The following LRMDA variants were observed in gnomAD, a reference collection of about 807,000 sequenced individuals.
LRMDA encodes the protein leucine rich melanocyte differentiation associated, also known as leucine-rich melanocyte differentiation-associated protein.
A neutral mutation model predicts 29.8 loss-of-function variants in LRMDA; 18 were observed. The observed-to-expected ratio is 0.60, with a 90% CI of 0.42 to 0.90. The LOEUF (loss-of-function observed/expected upper bound fraction) is 0.90, where lower values mean the gene tolerates loss of function less well. Ranked by LOEUF, LRMDA falls within the 40% of genes least tolerant of loss-of-function variation. LRMDA has a pLI of 0.00. For synonymous variants in LRMDA, 125 were observed against 109.4 expected (o/e 1.14, Z -0.89); for missense variants, 273 against 273.9 (o/e 1.00, Z 0.02).
intron 6 of LRMDA, among the ~76,000 whole-genome samples, chr10:76,525,137 C>G (rs1000098657): frequency 2.6e-5 from 4 of 152,190 alleles, no homozygotes; most frequent in African/African-American, 9.6e-5. Context: ...TGATACTTAT[C>G]CAGTGTTCAG....
intron 2 of LRMDA, among the ~76,000 whole-genome samples, chr10:75,547,453 T>G (rs536055610): frequency 1.1e-4 from 16 of 152,358 alleles, no homozygotes; most frequent in Admixed American, 2.0e-4. Context: ...CTTCGTCTGC[T>G]GAATCATCTT....
In LRMDA at chr10:76,047,242, G is replaced by A. The variant is rs550212826; in HGVS notation, c.337G>A (p.Val113Met). 6 of 1,614,058 alleles carry A rather than the reference G, an allele frequency of 3.7e-6. No individual in the cohort carries two copies. Among genetic ancestry groups the A allele is most frequent in the Admixed American group, 3.3e-5 (2 of 60,016 alleles). The change falls in exon 4 of 7, where the codon GTG (valine) becomes ATG (methionine). Residue 113 changes from valine to methionine, a missense_variant. Val to Met is a conservative substitution (Grantham distance 21). Transcript: ENST00000611255. ...GGAGTACCTCAGTCTGCTGGGCAAC[G>A]TGGCCTGTCCCAACGAGCTGGTCAG... ...ALEYLSLLGN[V>M]ACPNELVSLE...
chr10:75,893,945 A>AT (rs1491478318), intron 2 of LRMDA, among the ~76,000 whole-genome samples: 1 of 140,042 alleles, frequency 7.1e-6, no homozygotes, highest in African/African-American at 2.7e-5. Flanking sequence ...AAAAAAAAAA[A>AT]CAAAAAAAAA....
chr10:75,898,935 T>C (rs1386266569), intron 2 of LRMDA, among the ~76,000 whole-genome samples: 1 of 152,186 alleles, frequency 6.6e-6, no homozygotes. Context: ...GAAATACCCT[T>C]GAAAATGACG....
At chr10:75,759,028 A>G (rs1016968362) in intron 2 of LRMDA, among the ~76,000 whole-genome samples, 3 of 151,894 alleles carry the variant, frequency 2.0e-5, no homozygotes, top group African/African-American at 2.4e-5. Context: ...AGAGTCCTAT[A>G]TATCCACATC....
At chr10:76,366,120 A>G (rs2132451983) in intron 6 of LRMDA, among the ~76,000 whole-genome samples, 1 of 152,288 alleles carries the variant, frequency 6.6e-6, no homozygotes, top group Non-Finnish European at 1.5e-5. Context: ...TTATACCAGT[A>G]CCACGCTGTT....
chr10:75,717,301 C>T lies in LRMDA; in HGVS notation c.131+278807C>T, dbSNP rs147991583. Among the ~76,000 whole-genome samples, 757 of 152,324 alleles carry T rather than the reference C, an allele frequency of 5.0e-3. 8 individuals carry two copies. Among genetic ancestry groups the T allele is most frequent in the African/African-American group, 0.017 (713 of 41,566 alleles). ...AAATCTGCAGTCATACCTGAGGACT[C>T]AGTGACTCATGGTTGAGGTCTCCAT... is the stretch of plus-strand genomic sequence containing the variant. On this transcript the variant is annotated intron_variant, in intron 2 of 6. Coordinates refer to ENST00000611255, the MANE Select transcript of LRMDA (RefSeq NM_001305581.2).
intron 5 of LRMDA, among the ~76,000 whole-genome samples, chr10:76,319,384 G>A (rs1840741324): frequency 6.6e-6 from 1 of 152,230 alleles, no homozygotes; most frequent in Non-Finnish European, 1.5e-5. Context: ...AGTGAGAAAT[G>A]AGTAAGGGCG....
intron 5 of LRMDA, among the ~76,000 whole-genome samples, chr10:76,107,386 G>A (rs1162170030): frequency 6.6e-6 from 1 of 152,170 alleles, no homozygotes; most frequent in Non-Finnish European, 1.5e-5. Flanking sequence ...CAGAACCAGC[G>A]GCTTAGATGC....
At chr10:75,878,410 G>A (rs1845236646) in intron 2 of LRMDA, among the ~76,000 whole-genome samples, 1 of 151,762 alleles carries the variant, frequency 6.6e-6, no homozygotes, top group Non-Finnish European at 1.5e-5. Context: ...CTTCCCCTGG[G>A]GTAGGGCCAC....
intron 6 of LRMDA, among the ~76,000 whole-genome samples, chr10:76,427,999 G>C (rs540854464): frequency 6.6e-4 from 100 of 152,148 alleles, no homozygotes; most frequent in African/African-American, 2.3e-3. Context: ...TCCTGGATTC[G>C]GTTTGCCAGT....
In LRMDA at chr10:76,384,743, A is replaced by G. The variant is rs199791750; in HGVS notation, c.601+60258A>G. ...AAAAATTTAGAGCTTTGTACTGATG[A>G]TGATTTTGCTTGGATTTGTATTTCT... On this transcript the variant is annotated intron_variant, in intron 6 of 6. Coordinates refer to ENST00000611255, the MANE Select transcript of LRMDA (RefSeq NM_001305581.2). Among the ~76,000 whole-genome samples, 16 of 152,292 alleles carry G rather than the reference A, an allele frequency of 1.1e-4. No homozygotes were observed. The East Asian group carries it at 2.9e-3, about 28-fold the overall frequency.
At chr10:76,009,247 C>T (rs140900738) in intron 2 of LRMDA, among the ~76,000 whole-genome samples, 5 of 152,268 alleles carry the variant, frequency 3.3e-5, no homozygotes, top group African/African-American at 1.2e-4. Context: ...CTCTTTGGGA[C>T]CCCCACTGCT....
chr10:76,452,467 T>C (rs1386307794), intron 6 of LRMDA, among the ~76,000 whole-genome samples: 1 of 150,882 alleles, frequency 6.6e-6, no homozygotes, highest in Non-Finnish European at 1.5e-5. Flanking sequence ...AGGCAGATGG[T>C]GTGAAATTTA....
intron 4 of LRMDA, among the ~76,000 whole-genome samples, chr10:76,051,032 TA>T (rs1848522199): frequency 6.6e-6 from 1 of 152,222 alleles, no homozygotes; most frequent in Non-Finnish European, 1.5e-5. Flanking sequence ...TTCAATTATT[TA>T]AAACGTGACA....
intron 2 of LRMDA, among the ~76,000 whole-genome samples, chr10:75,721,990 CT>C (rs1370438361): frequency 1.3e-5 from 2 of 151,856 alleles, no homozygotes; most frequent in South Asian, 2.1e-4. Context: ...TTTTTTGACA[CT>C]TTTTTTTGGG....
At chr10:76,393,470 A>C (rs936300649) in intron 6 of LRMDA, among the ~76,000 whole-genome samples, 1 of 152,074 alleles carries the variant, frequency 6.6e-6, no homozygotes, top group Non-Finnish European at 1.5e-5. Context: ...CTTCTTTTGA[A>C]ATATGTCTGT....
intron 2 of LRMDA, among the ~76,000 whole-genome samples, chr10:75,835,421 G>T (rs1844416468): frequency 1.3e-5 from 2 of 152,144 alleles, no homozygotes; most frequent in African/African-American, 4.8e-5. Flanking sequence ...ATAATCTAGG[G>T]TAATCCTTTC....
intron 5 of LRMDA, among the ~76,000 whole-genome samples, chr10:76,203,960 T>G (rs1335699948): frequency 7.1e-6 from 1 of 141,130 alleles, no homozygotes; most frequent in Non-Finnish European, 1.5e-5. Context: ...CCCATCTCTA[T>G]TCCATGTGCC....
Sources: gnomAD v4.1 joint callset for allele counts (sites outside exome capture counted in the v4.1 genomes callset) on GRCh38, gnomAD v4.1.1 for gene constraint, MANE v1.5 for transcripts, NCBI Gene and HGNC (gene_info 2026-07-23, HGNC 2026-07-21) for gene names.